Variants in AKT3 observed in about 807,000 individuals in gnomAD.
AKT3 encodes RAC-gamma serine/threonine-protein kinase.
Under a neutral mutation model 65.3 loss-of-function variants are expected in AKT3, and 15 were observed. The observed-to-expected ratio is 0.23, with a 90% CI of 0.15 to 0.35. The LOEUF (loss-of-function observed/expected upper bound fraction) is 0.35, where lower values mean the gene tolerates loss of function less well. Ranked by LOEUF, AKT3 falls within the 10% of genes least tolerant of loss-of-function variation. AKT3 has a pLI of 1.00. For synonymous variants in AKT3, 206 were observed against 183.8 expected (o/e 1.12, Z -0.98); for missense variants, 243 against 576.5 (o/e 0.42, Z 5.92).
chr1:243,810,260 A>G (rs370488477), intron 2 of AKT3, among the ~76,000 whole-genome samples: 1 of 152,108 alleles, frequency 6.6e-6, no homozygotes, highest in South Asian at 2.1e-4. Context: ...AAAGATCAAC[A>G]AAATTGTTAG....
intron 2 of AKT3, among the ~76,000 whole-genome samples, chr1:243,782,931 C>G (rs1390987185): frequency 6.6e-6 from 1 of 152,156 alleles, no homozygotes; most frequent in Non-Finnish European, 1.5e-5. Context: ...GGTATTCAAG[C>G]CTGTGATATT....
intron 2 of AKT3, among the ~76,000 whole-genome samples, chr1:243,743,417 GAATA>G (rs1456032658): frequency 6.6e-6 from 1 of 152,026 alleles, no homozygotes; most frequent in Admixed American, 6.6e-5. Context: ...AAAATACTAT[GAATA>G]AATAGTCTTA....
At chr1:243,769,685 C>T (rs1572316411) in intron 2 of AKT3, among the ~76,000 whole-genome samples, 1 of 152,130 alleles carries the variant, frequency 6.6e-6, no homozygotes, top group South Asian at 2.1e-4. Flanking sequence ...ATTCTGGATA[C>T]TAGGCCCTTA....
chr1:243,584,556 C>T (rs1675650320), intron 8 of AKT3, among the ~76,000 whole-genome samples: 1 of 152,154 alleles, frequency 6.6e-6, no homozygotes, highest in Non-Finnish European at 1.5e-5. Flanking sequence ...TACTAGCAAA[C>T]TGAATTGAAA....
intron 13 of AKT3, among the ~76,000 whole-genome samples, chr1:243,489,919 C>T (rs1217223144): frequency 2.0e-5 from 3 of 152,112 alleles, no homozygotes; most frequent in African/African-American, 7.2e-5. Context: ...TTTGCTAAAT[C>T]GCTTCTCTTC....
intron 2 of AKT3, among the ~76,000 whole-genome samples, chr1:243,768,131 C>G (rs1689947304): frequency 6.6e-6 from 1 of 150,542 alleles, no homozygotes; most frequent in Non-Finnish European, 1.5e-5. Flanking sequence ...GCCCTGTTTT[C>G]CCCAGAAGCT....
intron 2 of AKT3, among the ~76,000 whole-genome samples, chr1:243,698,546 T>A (rs1685209162): frequency 6.6e-6 from 1 of 152,072 alleles, no homozygotes; most frequent in African/African-American, 2.4e-5. Flanking sequence ...ACTTTTAAAA[T>A]ATTTTCTATG....
intron 8 of AKT3, among the ~76,000 whole-genome samples, chr1:243,611,876 T>C (rs1050261494): frequency 6.6e-6 from 1 of 152,182 alleles, no homozygotes; most frequent in African/African-American, 2.4e-5. Context: ...ATCAATTCCC[T>C]GGGTGAAATC....
chr1:243,832,533 A>G (rs1222748396), intron 2 of AKT3, among the ~76,000 whole-genome samples: 1 of 152,236 alleles, frequency 6.6e-6, no homozygotes, highest in Non-Finnish European at 1.5e-5. Context: ...TATAAAATAT[A>G]AAGAATGACA....
At chr1:243,644,533 GA>G (rs796460650) in intron 5 of AKT3, among the ~76,000 whole-genome samples, 46 of 146,712 alleles carry the variant, frequency 3.1e-4, no homozygotes, top group African/African-American at 1.0e-3. Flanking sequence ...AGTTCAAAAT[GA>G]AAAAAAAAAT....
intron 2 of AKT3, among the ~76,000 whole-genome samples, chr1:243,736,785 A>G (rs748705684): frequency 1.3e-5 from 2 of 152,204 alleles, no homozygotes; most frequent in Non-Finnish European, 2.9e-5. Context: ...ATCTACTTTA[A>G]AACACCTCAA....
At chr1:243,627,125 A>G (rs1679227547) in intron 6 of AKT3, among the ~76,000 whole-genome samples, 1 of 152,218 alleles carries the variant, frequency 6.6e-6, no homozygotes, top group African/African-American at 2.4e-5. Flanking sequence ...TCAAGACTTG[A>G]ATAATATAGT....
Position 243,505,094 on chromosome 1 carries a change from A to G in AKT3, c.*155T>C. On this transcript the variant is annotated 3_prime_UTR_variant, in exon 14 of 14. Coordinates refer to ENST00000673466, the MANE Select transcript of AKT3 (RefSeq NM_005465.7). The stretch of plus-strand genomic sequence containing the variant: ...TGTATTTGCGTGTATGTGTGTTTTC[A>G]TGAGGGTGAAAGGTGGCGAGGGGTG... The G allele has an allele frequency of 1.6e-6, 1 of 620,690 alleles. No homozygotes were observed. Among genetic ancestry groups the G allele is most frequent in the South Asian group, 2.0e-5 (1 of 48,982 alleles). 38.4% of individuals were successfully genotyped at this position (620,690 alleles called of 1,614,324 possible). A position where few individuals can be genotyped will look rare whatever the true frequency, so the allele number is the denominator to read the frequency against.
intron 8 of AKT3, among the ~76,000 whole-genome samples, chr1:243,588,773 A>C (rs1207838080): frequency 6.6e-6 from 1 of 152,152 alleles, no homozygotes; most frequent in African/African-American, 2.4e-5. Flanking sequence ...TAAGACCTGA[A>C]ACTATAAAAC....
intron 12 of AKT3, among the ~76,000 whole-genome samples, chr1:243,534,209 T>C (rs972119453): frequency 2.0e-5 from 3 of 152,146 alleles, no homozygotes; most frequent in African/African-American, 4.8e-5. Flanking sequence ...GGCATGCTCA[T>C]AGTAATTTAA....
chr1:243,527,588 G>A (rs536583778), intron 12 of AKT3, among the ~76,000 whole-genome samples: 6 of 152,120 alleles, frequency 3.9e-5, no homozygotes, highest in Admixed American at 2.0e-4. Context: ...TCCAGCAATC[G>A]GTACCTCTTT....
At chr1:243,703,107 C>T (rs1298630592) in intron 2 of AKT3, 1 of 152,152 alleles carries the variant, frequency 6.6e-6, no homozygotes, top group Non-Finnish European at 1.5e-5. Flanking sequence ...TCATCATTCA[C>T]AATGTAGTAA....
chr1:243,614,871 A>G (rs887119214), intron 7 of AKT3, among the ~76,000 whole-genome samples: 1 of 152,132 alleles, frequency 6.6e-6, no homozygotes, highest in African/African-American at 2.4e-5. Context: ...TGGGAGAAAA[A>G]AAATTCTCAA....
chr1:243,526,471 G>A (rs891922497), intron 12 of AKT3, among the ~76,000 whole-genome samples: 18 of 152,052 alleles, frequency 1.2e-4, no homozygotes, highest in Admixed American at 3.9e-4. Context: ...CAAAATGGCT[G>A]TTCCGTCACG....
Sources: allele counts gnomAD v4.1 joint callset (sites outside exome capture counted in the v4.1 genomes callset), GRCh38; gene constraint gnomAD v4.1.1; transcripts MANE v1.5; gene names NCBI Gene and HGNC (gene_info 2026-07-23, HGNC 2026-07-21).